Variants in ELK4 observed in about 807,000 individuals in gnomAD.
ELK4 encodes ETS domain-containing protein Elk-4.
A neutral mutation model predicts 29.6 loss-of-function variants in ELK4; 16 were observed. The ratio of observed to expected loss-of-function variants is 0.54; its 90% CI spans 0.37 to 0.82. ELK4 has a LOEUF of 0.82. Among genes scored for constraint, ELK4 ranks in the 40% least tolerant of loss-of-function variants. The pLI, the probability that ELK4 is intolerant of heterozygous loss-of-function variation, is 0.00. For synonymous variants in ELK4, 213 were observed against 191.1 expected (o/e 1.11, Z -0.95); for missense variants, 465 against 507.1 (o/e 0.92, Z 0.80).
At chr1:205,630,160 T>C (rs758585081) in intron 1 of ELK4, among the ~76,000 whole-genome samples, 14 of 151,404 alleles carry the variant, frequency 9.2e-5, no homozygotes, top group African/African-American at 3.2e-4. Context: ...TTTTCCACAA[T>C]TGCAATTTTT....
rs1458708660 is a variant in ELK4 at position 205,620,879 on chromosome 1, A to T, written c.208-41T>A. 5 of 1,548,380 alleles carry T rather than the reference A, an allele frequency of 3.2e-6. No individual in the cohort carries two copies. In the South Asian group the frequency reaches 6.1e-5, roughly 19 times the overall value. On this transcript the variant is annotated intron_variant, in intron 2 of 4. Transcript: ENST00000357992. ...AAAAGCATTTTTATCCTTTCTTATA[A>T]ACTTATATCCCATAGTTCATGAAAA... is the stretch of plus-strand genomic sequence containing the variant.
chr1:205,625,419 C>A, intron 1 of ELK4: 1 of 538,772 alleles, frequency 1.9e-6, no homozygotes, highest in Non-Finnish European at 3.4e-6. Flanking sequence ...CTATCACTGC[C>A]ACCCACCTCC....
rs1385435443 is a variant in ELK4, at chr1:205,614,105, GATCACCA to G, written c.*2434_*2440del. ...ATTAGTTGATCTCAAAGAGATAGCAGATCACCAATCTGTGACAGCCTCACACCTCTGA... is the reference window on the plus strand; with the variant it reads ...ATTAGTTGATCTCAAAGAGATAGCAGATCTGTGACAGCCTCACACCTCTGA... On this transcript the variant is annotated 3_prime_UTR_variant, in exon 5 of 5. Transcript: ENST00000357992. 4.5e-6 allele frequency: 1 copy of G among 223,666 alleles called. No individual in the cohort carries two copies. The allele number at this position is 223,666 out of a possible 1,614,324, so 13.9% of individuals were successfully genotyped here. A position where few individuals can be genotyped will look rare whatever the true frequency, so the allele number is the denominator to read the frequency against.
rs754056060 is a variant in ELK4, at chr1:205,620,405, A to G, written c.641T>C (p.Ile214Thr). Residue 214 changes from isoleucine to threonine, a missense_variant, in exon 3 of 5, where the codon ATT becomes ACT. By Grantham distance (89) the Ile-to-Thr change is moderately conservative (BLOSUM62 -1). Coordinates refer to ENST00000357992, the MANE Select transcript of ELK4 (RefSeq NM_001973.4). ...GATAGTTTCTTCTGAAGATGGAGAAATACTTGGGCCAATTGAAATGGTGGC... is the reference window on the plus strand; with the variant it reads ...GATAGTTTCTTCTGAAGATGGAGAAGTACTTGGGCCAATTGAAATGGTGGC... ...VAATISIGPS[I>T]SPSSEETIQA... 6.4e-5 allele frequency: 103 copies of G among 1,614,204 alleles called. 1 individual carries two copies. The Middle Eastern group carries it at 6.6e-4, about 10-fold the overall frequency.
At chr1:205,627,473 C>A (rs1363583622) in intron 1 of ELK4, among the ~76,000 whole-genome samples, 1 of 151,352 alleles carries the variant, frequency 6.6e-6, no homozygotes, top group Non-Finnish European at 1.5e-5. Context: ...TGCGCCACTG[C>A]ACTCCAGCCT....
In ELK4 at chr1:205,620,211, C is replaced by T. The variant is rs755002498; in HGVS notation, c.835G>A (p.Asp279Asn). 24 of 1,613,994 alleles carry T rather than the reference C, an allele frequency of 1.5e-5. No individual in the cohort carries two copies. Among genetic ancestry groups the T allele is most frequent in the South Asian group, 1.1e-4 (10 of 91,084 alleles). ...GAAGCCACTGAATCAATGTCTGTGT[C>T]GATGTCTGGGTGAGAACTCAGTGGT... The part of the protein sequence containing the change: ...SPPLSSHPDI[D>N]TDIDSVASQP... Residue 279 changes from aspartate (D) to asparagine (N), a missense_variant, in exon 3 of 5, where the codon GAC becomes AAC. Transcript: ENST00000357992.
chr1:205,623,518 T>C (rs1670393646), intron 2 of ELK4, among the ~76,000 whole-genome samples, 158 bp downstream of exon 2: 1 of 152,028 alleles, frequency 6.6e-6, no homozygotes, highest in Admixed American at 6.6e-5. Flanking sequence ...TTTCACCACA[T>C]CGGTTAGGCT....
Position 205,620,411 on chromosome 1 carries a change from G to A in ELK4, c.635C>T (p.Pro212Leu), listed in dbSNP as rs949099639. The change falls in exon 3 of 5, where the codon CCA becomes CTA. Residue 212 changes from proline (P) to leucine (L), a missense_variant. Around this residue, in one of 2 missense-constraint regions of ELK4, gnomAD observed 385 missense variants for 387.5 expected, o/e 0.99. Coordinates refer to ENST00000357992, the MANE Select transcript of ELK4 (RefSeq NM_001973.4). Reference protein sequence around the residue: ...EPVAATISIGPSISPSSEETI... With the variant: ...EPVAATISIGLSISPSSEETI... ...TTCTTCTGAAGATGGAGAAATACTTGGGCCAATTGAAATGGTGGCAGCAAC... is the reference window on the plus strand; with the variant it reads ...TTCTTCTGAAGATGGAGAAATACTTAGGCCAATTGAAATGGTGGCAGCAAC... 1 of 1,614,138 alleles carries A rather than the reference G, an allele frequency of 6.2e-7. No homozygotes were observed. The highest frequency in any genetic ancestry group is 8.5e-7 in the Non-Finnish European group (1 of 1,180,026).
In ELK4 at chr1:205,612,017, T is replaced by C. The variant is rs1670157026; in HGVS notation, c.*4529A>G. 1 of 188,936 alleles carries C rather than the reference T, an allele frequency of 5.3e-6. No individual in the cohort carries two copies. Among genetic ancestry groups the C allele is most frequent in the Non-Finnish European group, 1.1e-5 (1 of 89,906 alleles). 11.7% of individuals were successfully genotyped at this position (188,936 alleles called of 1,614,324 possible). On this transcript the variant is annotated 3_prime_UTR_variant, in exon 5 of 5. Transcript: ENST00000357992. ...AATAATTCTAAATTTGTTGGTAAAA[T>C]ATAACATAAGTCCCAAAGAAGTCTG...
rs36044648 is a variant in ELK4, at chr1:205,615,103, TA to T, written c.*1442del. On this transcript the variant is annotated 3_prime_UTR_variant, in exon 5 of 5. Coordinates refer to ENST00000357992, the MANE Select transcript of ELK4 (RefSeq NM_001973.4). ...CAAATGAACTCTGCTCTTCCCCATTTAAAAAAAAAAAGTTGAAAGAAATAAG... is the reference window on the plus strand; with the variant it reads ...CAAATGAACTCTGCTCTTCCCCATTTAAAAAAAAAAGTTGAAAGAAATAAG... The T allele has an allele frequency of 7.2e-3, 1,217 of 170,142 alleles. 2 individuals carry two copies. The highest frequency in any genetic ancestry group is 0.012 in the East Asian group (120 of 9,676). The allele number at this position is 170,142 out of a possible 1,614,324, so 10.5% of individuals were successfully genotyped here.
intron 2 of ELK4, among the ~76,000 whole-genome samples, chr1:205,622,366 G>A (rs938024983): frequency 7.9e-5 from 12 of 152,118 alleles, no homozygotes; most frequent in African/African-American, 1.9e-4. Context: ...GATATAAAAC[G>A]TATATATGTA....
chr1:205,622,567 A>G (rs1477830331), intron 2 of ELK4, among the ~76,000 whole-genome samples: 1 of 152,082 alleles, frequency 6.6e-6, no homozygotes, highest in Non-Finnish European at 1.5e-5. Flanking sequence ...TGTTTTTTGT[A>G]GAGACGGGGT....
At chr1:205,630,439 C>T (rs1670558140) in intron 1 of ELK4, among the ~76,000 whole-genome samples, 1 of 152,302 alleles carries the variant, frequency 6.6e-6, no homozygotes, top group African/African-American at 2.4e-5. Flanking sequence ...AACTATTTTT[C>T]AGAGACAGTA....
chr1:205,625,800 T>C, intron 1 of ELK4: 1 of 615,652 alleles, frequency 1.6e-6, no homozygotes, highest in Non-Finnish European at 2.9e-6. Flanking sequence ...TGTCTCAGCC[T>C]CCCGAGTAGC....
intron 3 of ELK4, chr1:205,619,543 T>C (rs1334328428): frequency 2.7e-6 from 3 of 1,130,520 alleles, no homozygotes; most frequent in Non-Finnish European, 3.2e-6. Flanking sequence ...AGTTAATAAA[T>C]AGCTAAAGTA....
In ELK4 at chr1:205,620,502, G is replaced by A. The variant is rs1670317086; in HGVS notation, c.544C>T (p.Gln182Ter). The A allele has an allele frequency of 6.2e-7, 1 of 1,613,980 alleles. No individual in the cohort carries two copies. The change falls in exon 3 of 5, where the codon CAG (glutamine) becomes TAG (stop). Residue 182 changes from glutamine to a stop codon, truncating the protein, a stop_gained. Transcript: ENST00000357992. LOFTEE classifies it high-confidence loss of function. ...AEKLAEKKSP[Q>*]EPTPSVIKFV... is the part of the protein sequence containing the mutation. Reference sequence around the variant, plus strand: ...TTGATGACAGATGGTGTGGGCTCCTGAGGAGATTTTTTCTCTGCCAGTTTC... The same window carrying A: ...TTGATGACAGATGGTGTGGGCTCCTAAGGAGATTTTTTCTCTGCCAGTTTC...
intron 3 of ELK4, chr1:205,619,529 A>C (rs960620069): frequency 9.0e-7 from 1 of 1,115,672 alleles, no homozygotes; most frequent in Non-Finnish European, 1.1e-6. Flanking sequence ...CTATGAGATG[A>C]GCAAGTTAAT....
Position 205,611,935 on chromosome 1 carries a change from T to C in ELK4, c.*4611A>G, listed in dbSNP as rs12739143. ...ATATCAGATTTTAAAAATCAAAAACTTATTAATGCAGCAAGAAAATGTAAC... is the reference window on the plus strand; with the variant it reads ...ATATCAGATTTTAAAAATCAAAAACCTATTAATGCAGCAAGAAAATGTAAC... On this transcript the variant is annotated 3_prime_UTR_variant, in exon 5 of 5. Coordinates refer to ENST00000357992, the MANE Select transcript of ELK4 (RefSeq NM_001973.4). 5.4e-6 allele frequency: 1 copy of C among 186,070 alleles called. No homozygotes were observed. Among genetic ancestry groups the C allele is most frequent in the African/African-American group, 2.3e-5 (1 of 42,710 alleles). 11.5% of individuals were successfully genotyped at this position (186,070 alleles called of 1,614,324 possible).
intron 1 of ELK4, among the ~76,000 whole-genome samples, chr1:205,629,716 CAAAAAATAAA>C (rs1670540161): frequency 1.4e-5 from 2 of 145,886 alleles, no homozygotes; most frequent in African/African-American, 2.6e-5. Context: ...GACCCTGTCT[CAAAAAATAAA>C]TAAATAAAAT....
Sources: allele counts gnomAD v4.1 joint callset (sites outside exome capture counted in the v4.1 genomes callset), GRCh38; gene constraint gnomAD v4.1.1; regional missense constraint gnomAD v4.1.1; transcripts MANE v1.5; gene names NCBI Gene and HGNC (gene_info 2026-07-23, HGNC 2026-07-21).